The following AKT3 variants were observed in gnomAD, a reference collection of about 807,000 sequenced individuals.
AKT3 encodes the protein AKT serine/threonine kinase 3.
AKT3 carries 15 observed loss-of-function variants against 65.3 expected under a neutral mutation model. The ratio of observed to expected loss-of-function variants is 0.23; its 90% CI spans 0.15 to 0.35. The LOEUF (loss-of-function observed/expected upper bound fraction) is 0.35, where lower values mean the gene tolerates loss of function less well. Among genes scored for constraint, AKT3 ranks in the 10% least tolerant of loss-of-function variants. AKT3 has a pLI of 1.00. For missense variants in AKT3, 243 were observed against 576.5 expected, an observed-to-expected ratio of 0.42 and a Z score of 5.92; for synonymous variants, 206 against 183.8, an observed-to-expected ratio of 1.12 and a Z score of -0.98.
chr1:243,790,318 C>G (rs1294256890), intron 2 of AKT3, among the ~76,000 whole-genome samples: 2 of 152,228 alleles, frequency 1.3e-5, no homozygotes, highest in African/African-American at 4.8e-5. Flanking sequence ...ATTGTTGCAG[C>G]TTCTACATCA....
intron 1 of AKT3, among the ~76,000 whole-genome samples, chr1:243,844,635 T>C (rs1486354004): frequency 1.3e-5 from 2 of 152,280 alleles, no homozygotes; most frequent in African/African-American, 4.8e-5. Flanking sequence ...TCACCATGCC[T>C]AGCTAATTTT....
At chr1:243,508,825 C>G (rs1669839567) in intron 13 of AKT3, among the ~76,000 whole-genome samples, 1 of 152,022 alleles carries the variant, frequency 6.6e-6, no homozygotes, top group African/African-American at 2.4e-5. Context: ...ACCACCACGT[C>G]TGGCTAATTT....
intron 2 of AKT3, among the ~76,000 whole-genome samples, chr1:243,806,252 T>C (rs1205892691): frequency 6.6e-6 from 1 of 152,238 alleles, no homozygotes; most frequent in East Asian, 1.9e-4. Flanking sequence ...TGCTATGTTT[T>C]TCATCTCACC....
At chr1:243,511,823 C>T (rs79286799) in intron 13 of AKT3, among the ~76,000 whole-genome samples, 1 of 152,030 alleles carries the variant, frequency 6.6e-6, no homozygotes, top group African/African-American at 2.4e-5. Flanking sequence ...TTATAGGTAT[C>T]CAAAAGTATT....
At chr1:243,701,032 T>G (rs937292547) in intron 2 of AKT3, among the ~76,000 whole-genome samples, 4 of 152,208 alleles carry the variant, frequency 2.6e-5, no homozygotes, top group African/African-American at 9.6e-5. Flanking sequence ...AATTAGTCCA[T>G]ATATAAACAT....
chr1:243,832,799 G>C (rs1405801467), intron 2 of AKT3, among the ~76,000 whole-genome samples: 1 of 152,108 alleles, frequency 6.6e-6, no homozygotes, highest in Non-Finnish European at 1.5e-5. Context: ...GAATACTGTA[G>C]GCAATTGAAA....
intron 6 of AKT3, among the ~76,000 whole-genome samples, chr1:243,635,110 A>C (rs1679883898): frequency 6.6e-6 from 1 of 151,970 alleles, no homozygotes; most frequent in Admixed American, 6.6e-5. Context: ...AGACAAATAC[A>C]AAGTATCTTC....
chr1:243,516,119 C>T (rs1472854924), intron 12 of AKT3, among the ~76,000 whole-genome samples: 2 of 152,124 alleles, frequency 1.3e-5, no homozygotes, highest in African/African-American at 4.8e-5. Flanking sequence ...TGGTAGACTT[C>T]GTTGGTGAAA....
At chr1:243,491,381 G>A (rs934035351) in intron 13 of AKT3, among the ~76,000 whole-genome samples, 15 of 152,136 alleles carry the variant, frequency 9.9e-5, no homozygotes, top group African/African-American at 3.4e-4. Flanking sequence ...TCTGATACTG[G>A]CCCATCTGGC....
intron 2 of AKT3, among the ~76,000 whole-genome samples, chr1:243,811,116 G>A (rs1266356053): frequency 3.3e-5 from 5 of 152,170 alleles, no homozygotes; most frequent in African/African-American, 7.2e-5. Flanking sequence ...ACTGGCACAA[G>A]ACAGGGATGC....
intron 12 of AKT3, among the ~76,000 whole-genome samples, chr1:243,540,170 A>G (rs1374010768): frequency 6.6e-6 from 1 of 152,180 alleles, no homozygotes; most frequent in African/African-American, 2.4e-5. Context: ...TAGTAATATC[A>G]CTCAGGATTT....
At chr1:243,650,027 C>T (rs141843524) in intron 4 of AKT3, among the ~76,000 whole-genome samples, 40 of 152,348 alleles carry the variant, frequency 2.6e-4, no homozygotes, top group African/African-American at 9.1e-4. Context: ...TACACTCCCA[C>T]CAATAGTGTA....
At chr1:243,779,274 A>G (rs1475412124) in intron 2 of AKT3, among the ~76,000 whole-genome samples, 1 of 152,140 alleles carries the variant, frequency 6.6e-6, no homozygotes, top group Non-Finnish European at 1.5e-5. Flanking sequence ...ACGAGAAGAT[A>G]CATTTGTAAG....
intron 3 of AKT3, among the ~76,000 whole-genome samples, chr1:243,683,264 C>CA (rs1684048898): frequency 6.6e-6 from 1 of 152,084 alleles, no homozygotes; most frequent in Non-Finnish European, 1.5e-5. Flanking sequence ...TAGTAACGCT[C>CA]AAAGAAAGGT....
rs1052469458 is a variant in AKT3, at chr1:243,669,738, A to G, written c.173-4855T>C. Among the ~76,000 whole-genome samples, 3 of 152,218 alleles carry G rather than the reference A, an allele frequency of 2.0e-5. No individual in the cohort carries two copies. In the East Asian group the frequency reaches 5.8e-4, roughly 29 times the overall value. On this transcript the variant is annotated intron_variant, in intron 3 of 13. Coordinates refer to ENST00000673466, the MANE Select transcript of AKT3 (RefSeq NM_005465.7). Reference sequence around the variant, plus strand: ...TTCCAAATATCAATTACTATAATTTATAAGGCTGCTAAAAACAATAAAAGA... The same window carrying G: ...TTCCAAATATCAATTACTATAATTTGTAAGGCTGCTAAAAACAATAAAAGA...
rs373378539 is a variant in AKT3, at chr1:243,584,273, A to T, written c.697-11225T>A. ...CCAAGACTGAATGAGGAACAAATTG[A>T]CACACTGTACAGACTAATATCGAGT... On this transcript the variant is annotated intron_variant, in intron 8 of 13. Transcript: ENST00000673466. Among the ~76,000 whole-genome samples, 22 of 152,274 alleles carry T rather than the reference A, an allele frequency of 1.4e-4. 1 individual carries two copies. In the East Asian group the frequency reaches 2.9e-3, roughly 20 times the overall value.
chr1:243,745,198 C>T (rs1298037527), intron 2 of AKT3, among the ~76,000 whole-genome samples: 1 of 151,770 alleles, frequency 6.6e-6, no homozygotes, highest in Non-Finnish European at 1.5e-5. Context: ...ATTAGCCCGG[C>T]GTGGTGGTGT....
Position 243,672,202 on chromosome 1 carries a change from G to A in AKT3, c.173-7319C>T, listed in dbSNP as rs1240926769. On this transcript the variant is annotated intron_variant, in intron 3 of 13. Coordinates refer to ENST00000673466, the MANE Select transcript of AKT3 (RefSeq NM_005465.7). Reference sequence around the variant, plus strand: ...CTTGACATCTCGTTTCTCCAGGTAGGAGTAACGGGAGGCGGTTTAGAATGA... The same window carrying A: ...CTTGACATCTCGTTTCTCCAGGTAGAAGTAACGGGAGGCGGTTTAGAATGA... Among the ~76,000 whole-genome samples the A allele has an allele frequency of 1.3e-5, 2 of 152,184 alleles. 1 individual carries two copies. The highest frequency in any genetic ancestry group is 2.9e-5 in the Non-Finnish European group (2 of 68,032).
intron 12 of AKT3, among the ~76,000 whole-genome samples, chr1:243,515,661 T>C (rs1558580846): frequency 6.6e-6 from 1 of 152,230 alleles, no homozygotes; most frequent in East Asian, 1.9e-4. Flanking sequence ...AGCATATATA[T>C]TCATTAAGAA....
Sources: allele counts gnomAD v4.1 joint callset (sites outside exome capture counted in the v4.1 genomes callset), GRCh38; gene constraint gnomAD v4.1.1; transcripts MANE v1.5; gene names NCBI Gene and HGNC (gene_info 2026-07-23, HGNC 2026-07-21).